Variants in PDE7B observed in about 807,000 individuals in gnomAD.
The protein encoded by PDE7B is 3',5'-cyclic-AMP phosphodiesterase 7B.
In PDE7B, 29 loss-of-function variants were observed where a neutral mutation model predicts 56.2. The observed-to-expected ratio is 0.52, with a 90% CI of 0.38 to 0.70. PDE7B has a LOEUF of 0.70. Among genes scored for constraint, PDE7B ranks in the 30% least tolerant of loss-of-function variants. The probability of loss-of-function intolerance (pLI) is 0.00; values close to 1 mark genes in which losing one functional copy is unlikely to be tolerated. For missense variants in PDE7B, 490 were observed against 565.0 expected, an observed-to-expected ratio of 0.87 and a Z score of 1.35; for synonymous variants, 197 against 196.9, an observed-to-expected ratio of 1.00 and a Z score of 0.00.
intron 1 of PDE7B, among the ~76,000 whole-genome samples, chr6:135,873,591 A>G (rs1315584872): frequency 6.6e-6 from 1 of 152,178 alleles, no homozygotes; most frequent in East Asian, 1.9e-4. Flanking sequence ...TATATGAGGT[A>G]GGCATATATG....
chr6:136,076,255 G>GA (rs1421292785), intron 2 of PDE7B, among the ~76,000 whole-genome samples: 3 of 152,078 alleles, frequency 2.0e-5, no homozygotes, highest in Non-Finnish European at 4.4e-5. Context: ...TGGATCACTT[G>GA]AGAGGTCAGG....
intron 1 of PDE7B, among the ~76,000 whole-genome samples, chr6:135,870,763 G>A (rs1775363677): frequency 6.6e-6 from 1 of 151,938 alleles, no homozygotes. Flanking sequence ...GATGAAAACT[G>A]AATTTAAATT....
At chr6:135,894,873 G>A (rs1018159056) in intron 1 of PDE7B, among the ~76,000 whole-genome samples, 10 of 151,916 alleles carry the variant, frequency 6.6e-5, no homozygotes, top group South Asian at 2.1e-4. Flanking sequence ...TTTCAATCTC[G>A]CCTGCAAAAA....
intron 1 of PDE7B, among the ~76,000 whole-genome samples, chr6:135,931,191 T>G (rs1032786452): frequency 6.6e-5 from 10 of 152,138 alleles, no homozygotes; most frequent in Non-Finnish European, 1.3e-4. Flanking sequence ...GCCCAATGAG[T>G]AGTTAAAGAT....
intron 2 of PDE7B, among the ~76,000 whole-genome samples, chr6:135,995,092 C>T (rs1775540731): frequency 6.6e-6 from 1 of 152,174 alleles, no homozygotes; most frequent in South Asian, 2.1e-4. Context: ...ATCAGTGAGG[C>T]CAAGTCCCTT....
At chr6:135,950,886 G>A (rs1165199145) in intron 2 of PDE7B, among the ~76,000 whole-genome samples, 4 of 152,126 alleles carry the variant, frequency 2.6e-5, no homozygotes, top group African/African-American at 9.7e-5. Context: ...CGTTAAATGA[G>A]ACATAAGTGT....
intron 1 of PDE7B, among the ~76,000 whole-genome samples, chr6:135,870,477 G>A (rs1468537224): frequency 6.6e-6 from 1 of 151,746 alleles, no homozygotes; most frequent in Non-Finnish European, 1.5e-5. Context: ...ACTGAGTTCA[G>A]TAGTAAGTAC....
chr6:136,156,162 AGTG>A, intron 8 of PDE7B: 1 of 250,720 alleles, frequency 4.0e-6, no homozygotes, highest in South Asian at 3.8e-5. Flanking sequence ...GAATGATCCA[AGTG>A]TGTGTGTGTG....
chr6:136,104,623 C>G (rs1777617765), intron 2 of PDE7B, among the ~76,000 whole-genome samples: 1 of 152,098 alleles, frequency 6.6e-6, no homozygotes, highest in African/African-American at 2.4e-5. Flanking sequence ...AGAAATATAC[C>G]ATTAACACAT....
Position 135,970,694 on chromosome 6 carries a change from A to G in PDE7B, c.82+23170A>G, listed in dbSNP as rs201795464. ...TTCTGAACAAGGAGTGGCATAACTT[A>G]TATTTTTAGAGATCACATTTGCTTT... is the stretch of plus-strand genomic sequence containing the variant. On this transcript the variant is annotated intron_variant, in intron 2 of 12. Coordinates refer to ENST00000308191, the MANE Select transcript of PDE7B (RefSeq NM_018945.4). 6.6e-5 allele frequency among the ~76,000 whole-genome samples: 10 copies of G among 152,256 alleles called. No individual in the cohort carries two copies. The East Asian group carries it at 7.7e-4, about 12-fold the overall frequency.
At chr6:136,129,677 G>C (rs1778083404) in intron 3 of PDE7B, among the ~76,000 whole-genome samples, 1 of 152,312 alleles carries the variant, frequency 6.6e-6, no homozygotes, top group South Asian at 2.1e-4. Context: ...GTTTGGAGAA[G>C]GGGAAGGAAA....
At position 135,889,501 on chromosome 6, in the gene PDE7B, C is replaced by T. The variant is rs115345750; in HGVS notation, c.21+37482C>T. On this transcript the variant is annotated intron_variant, in intron 1 of 12. Transcript: ENST00000308191. ...ACTCTGTCATCCAGGAGTGCAATGACGCAATCTCGGCTCACTGTAACCTCC... is the reference window on the plus strand; with the variant it reads ...ACTCTGTCATCCAGGAGTGCAATGATGCAATCTCGGCTCACTGTAACCTCC... 8.8e-3 allele frequency among the ~76,000 whole-genome samples: 1,192 copies of T among 135,694 alleles called. 14 individuals carry two copies. The highest frequency in any genetic ancestry group is 0.031 in the African/African-American group (1,096 of 35,590). 89.0% of individuals were successfully genotyped at this position (135,694 alleles called of 152,430 possible). A position where few individuals can be genotyped will look rare whatever the true frequency, so the allele number is the denominator to read the frequency against.
At chr6:136,017,615 T>C (rs1050470087) in intron 2 of PDE7B, among the ~76,000 whole-genome samples, 5 of 151,952 alleles carry the variant, frequency 3.3e-5, no homozygotes, top group African/African-American at 1.2e-4. Flanking sequence ...TTGCAATAGT[T>C]TGCTGAGAAT....
intron 2 of PDE7B, among the ~76,000 whole-genome samples, chr6:136,043,129 T>G (rs775351920): frequency 2.6e-5 from 4 of 152,252 alleles, no homozygotes; most frequent in Non-Finnish European, 5.9e-5. Context: ...AGATAAGTAT[T>G]AATTCATAAT....
At chr6:136,079,338 A>AC (rs1777171457) in intron 2 of PDE7B, among the ~76,000 whole-genome samples, 1 of 152,206 alleles carries the variant, frequency 6.6e-6, no homozygotes, top group South Asian at 2.1e-4. Flanking sequence ...ACACATTAAG[A>AC]CTGTACCTTC....
chr6:136,110,090 C>A (rs775318158), intron 3 of PDE7B, among the ~76,000 whole-genome samples: 2 of 152,142 alleles, frequency 1.3e-5, no homozygotes, highest in Non-Finnish European at 2.9e-5. Context: ...GCTTGTTAAT[C>A]TCCCATATCA....
At chr6:136,080,093 T>C (rs186044487) in intron 2 of PDE7B, among the ~76,000 whole-genome samples, 1 of 152,306 alleles carries the variant, frequency 6.6e-6, no homozygotes, top group African/African-American at 2.4e-5. Context: ...AAAACCTCCA[T>C]GTGTCCAGTG....
At chr6:135,957,696 A>T (rs997494928) in intron 2 of PDE7B, among the ~76,000 whole-genome samples, 3 of 152,098 alleles carry the variant, frequency 2.0e-5, no homozygotes, top group African/African-American at 4.8e-5. Context: ...ATTCCAAGAA[A>T]ACACAAAAAA....
intron 1 of PDE7B, among the ~76,000 whole-genome samples, chr6:135,893,088 T>G (rs111520326): frequency 0.024 from 3,714 of 152,230 alleles, 167 homozygotes; most frequent in African/African-American, 0.084. Flanking sequence ...TTAATTATAC[T>G]TTAAGTTCTA....
Sources: allele counts gnomAD v4.1 joint callset (sites outside exome capture counted in the v4.1 genomes callset), GRCh38; gene constraint gnomAD v4.1.1; transcripts MANE v1.5; gene names NCBI Gene and HGNC (gene_info 2026-07-23, HGNC 2026-07-21).